The following NCAN variants were observed in gnomAD, a reference collection of about 807,000 sequenced individuals.
NCAN encodes the protein neurocan core protein.
A neutral mutation model predicts 121.8 loss-of-function variants in NCAN; 47 were observed. The ratio of observed to expected loss-of-function variants is 0.39; its 90% CI spans 0.31 to 0.49. NCAN has a LOEUF of 0.49. NCAN is among the 20% of genes least tolerant of loss of function. The pLI is 0.92. For missense variants in NCAN, 1,517 were observed against 1,773.4 expected (o/e 0.86, Z 2.60); for synonymous variants, 633 against 702.0 (o/e 0.90, Z 1.55).
At chr19:19,236,786 T>G (rs200496612) in intron 10 of NCAN, among the ~76,000 whole-genome samples, 1 of 151,562 alleles carries the variant, frequency 6.6e-6, no homozygotes, top group East Asian at 1.9e-4. Flanking sequence ...GAAAGTACAG[T>G]GGTACAATCA....
At chr19:19,221,993 C>A (rs539749306) in intron 3 of NCAN, among the ~76,000 whole-genome samples, 105 of 152,248 alleles carry the variant, frequency 6.9e-4, no homozygotes, top group African/African-American at 2.5e-3. Flanking sequence ...TATTGTACAG[C>A]AAACATCCCG....
At chr19:19,233,250 A>G (rs75072017) in intron 8 of NCAN, among the ~76,000 whole-genome samples, 10,914 of 151,644 alleles carry the variant, frequency 0.072, 705 homozygotes, top group African/African-American at 0.17. Flanking sequence ...TTTTTAATTT[A>G]ATTTTTCAAA....
At chr19:19,226,111 G>A (rs2146542436) in intron 6 of NCAN, among the ~76,000 whole-genome samples, 1 of 152,184 alleles carries the variant, frequency 6.6e-6, no homozygotes, top group Non-Finnish European at 1.5e-5. Flanking sequence ...TGTATTTTTA[G>A]TAGAGACGGG....
chr19:19,249,791 A>ACAC lies in NCAN; in HGVS notation c.3861_3863dup (p.His1287dup), dbSNP rs762395671. The ACAC allele has an allele frequency of 5.0e-6, 8 of 1,608,204 alleles. No individual in the cohort carries two copies. Among genetic ancestry groups the ACAC allele is most frequent in the Admixed American group, 3.4e-5 (2 of 58,722 alleles). On this transcript the variant is annotated inframe_insertion, in exon 15 of 15. Transcript: ENST00000252575. ...CCAGACGTTCACATCGGATGCGGCG[A>ACAC]CACCACCACCACCACCAACACCACC...
chr19:19,227,640 G>A lies in NCAN; in HGVS notation c.2020G>A (p.Glu674Lys). ...TATAPPSPAAETKVYSLPLSL... is the reference protein window; with the variant it reads ...TATAPPSPAAKTKVYSLPLSL... ...CACGGCTCCACCCTCCCCTGCTGCA[G>A]AGACCAAGGTGTATTCCCTGCCTCT... is the stretch of plus-strand genomic sequence containing the variant. The change falls in exon 8 of 15, where the codon GAG becomes AAG. Residue 674 changes from glutamate (E) to lysine (K), a missense_variant. By Grantham distance (56) the Glu-to-Lys change is moderately conservative (BLOSUM62 1). Coordinates refer to ENST00000252575, the MANE Select transcript of NCAN (RefSeq NM_004386.3). This position sits in a 1 kb window ranked among gnomAD's most constrained non-coding sequence, Gnocchi z 4.2. 6.2e-7 allele frequency: 1 copy of A among 1,613,982 alleles called. No individual in the cohort carries two copies. Among genetic ancestry groups the A allele is most frequent in the East Asian group, 2.2e-5 (1 of 44,882 alleles).
At chr19:19,242,528 A>G (rs1475775391) in intron 12 of NCAN, among the ~76,000 whole-genome samples, 1 of 151,944 alleles carries the variant, frequency 6.6e-6, no homozygotes, top group East Asian at 1.9e-4. Flanking sequence ...TGTCTCTACT[A>G]AAAATAAAAA....
chr19:19,249,755 C>T lies in NCAN; in HGVS notation c.3821-11C>T, dbSNP rs1447905074. ...TTTGTCCCTTCCCTGTCCTCCCTCA[C>T]TTCCCTGCAGCCAGACGTTCACATC... On this transcript the variant is annotated splice_polypyrimidine_tract_variant and intron_variant, in intron 14 of 14. Transcript: ENST00000252575. 2 of 1,592,000 alleles carry T rather than the reference C, an allele frequency of 1.3e-6. No individual in the cohort carries two copies. Among genetic ancestry groups the T allele is most frequent in the Admixed American group, 1.8e-5 (1 of 56,164 alleles).
Position 19,248,784 on chromosome 19 carries a change from G to C in NCAN, c.3722G>C (p.Arg1241Thr), listed in dbSNP as rs944830253. The change falls in exon 14 of 15, where the codon AGG (arginine) becomes ACG (threonine). Residue 1241 changes from arginine to threonine, a missense_variant. Transcript: ENST00000252575. ...KAKYNVHATV[R>T]YQCNEGFAQH... The stretch of plus-strand genomic sequence containing the variant: ...AAGTACAATGTCCATGCCACTGTAA[G>C]GTACCAGTGCAATGAAGGATTTGCC... 17 of 1,614,192 alleles carry C rather than the reference G, an allele frequency of 1.1e-5. No homozygotes were observed. The highest frequency in any genetic ancestry group is 1.4e-5 in the Non-Finnish European group (17 of 1,180,028).
At chr19:19,223,894 C>T in intron 3 of NCAN, 127 bp from the exon 4 acceptor site, 1 of 941,450 alleles carries the variant, frequency 1.1e-6, no homozygotes, top group Non-Finnish European at 1.5e-6. Flanking sequence ...CCTCGACCCA[C>T]ACTGTGCCTG....
chr19:19,230,560 G>C lies in NCAN; in HGVS notation c.3019+1921G>C, dbSNP rs937105364. Among the ~76,000 whole-genome samples the C allele has an allele frequency of 8.6e-5, 13 of 151,510 alleles. 1 individual carries two copies. The highest frequency in any genetic ancestry group is 8.4e-4 in the South Asian group (4 of 4,776). On this transcript the variant is annotated intron_variant, in intron 8 of 14. Transcript: ENST00000252575. ...GCTGGGACCAGGTGTGCACCAACAG[G>C]CCTGGCTAATTTTTGTATTTTTTAT...
intron 8 of NCAN, 31 bp from the exon 9 acceptor site, chr19:19,233,758 C>G (rs142278919): frequency 2.8e-6 from 4 of 1,419,078 alleles, no homozygotes; most frequent in Non-Finnish European, 4.0e-6. Context: ...TGTGGCCTGA[C>G]TCTTCCCCAC....
chr19:19,232,030 AG>A, intron 8 of NCAN, among the ~76,000 whole-genome samples: 1 of 152,034 alleles, frequency 6.6e-6, no homozygotes, highest in Admixed American at 6.6e-5. Flanking sequence ...GAGACGGGCT[AG>A]GTGGGGATCA....
In NCAN at chr19:19,250,520, A is replaced by G. The variant is rs555213438; in HGVS notation, c.*609A>G. 8 of 257,450 alleles carry G rather than the reference A, an allele frequency of 3.1e-5. No individual in the cohort carries two copies. In the East Asian group the frequency reaches 8.0e-4, roughly 26 times the overall value. 15.9% of individuals were successfully genotyped at this position (257,450 alleles called of 1,614,324 possible). ...ACTGCATTTTAGGGATGTTTTTAGGACAACCTCCCTCCATGCCTTCAGAGT... is the reference window on the plus strand; with the variant it reads ...ACTGCATTTTAGGGATGTTTTTAGGGCAACCTCCCTCCATGCCTTCAGAGT... On this transcript the variant is annotated 3_prime_UTR_variant, in exon 15 of 15. Coordinates refer to ENST00000252575, the MANE Select transcript of NCAN (RefSeq NM_004386.3).
chr19:19,235,579 TTTTA>T (rs2146549800), intron 10 of NCAN, among the ~76,000 whole-genome samples: 1 of 144,590 alleles, frequency 6.9e-6, no homozygotes, highest in South Asian at 2.2e-4. Context: ...CCCTATTTTA[TTTTA>T]TTTTTTTTTT....
intron 8 of NCAN, among the ~76,000 whole-genome samples, chr19:19,230,883 CTGTGTGTGTGTGTGTG>C (rs367759381): frequency 5.8e-4 from 71 of 121,838 alleles, no homozygotes; most frequent in African/African-American, 1.2e-3. Flanking sequence ...CCACACCCGG[CTGTGTGTGTGTGTGTG>C]TGTGTGTGTG....
rs528153264 is a variant in NCAN at position 19,216,880 on chromosome 19, G to A, written c.-7-67G>A. On this transcript the variant is annotated intron_variant, in intron 1 of 14. Transcript: ENST00000252575. ...CTGTAGAGTGGGGGAGTTTGGTCCTGCAATGCTGAATATCTGGGAGGGTTG... is the reference window on the plus strand; with the variant it reads ...CTGTAGAGTGGGGGAGTTTGGTCCTACAATGCTGAATATCTGGGAGGGTTG... The A allele has an allele frequency of 4.7e-4, 448 of 948,884 alleles. 6 individuals are homozygous for A. The South Asian group carries it at 0.016, about 35-fold the overall frequency. The allele number at this position is 948,884 out of a possible 1,614,324, so 58.8% of individuals were successfully genotyped here.
chr19:19,218,152 C>T (rs1292633425), intron 2 of NCAN, among the ~76,000 whole-genome samples: 3 of 151,858 alleles, frequency 2.0e-5, no homozygotes, highest in Admixed American at 6.6e-5. Context: ...GTGGCACACA[C>T]CTGTAATCCC....
intron 12 of NCAN, among the ~76,000 whole-genome samples, chr19:19,242,191 T>A (rs10413995): frequency 0.032 from 4,850 of 151,774 alleles, 266 homozygotes; most frequent in African/African-American, 0.11. Context: ...CAGGACTCCA[T>A]CTCCAAAACA....
In NCAN at chr19:19,238,178, G is replaced by A. The variant is rs185116774; in HGVS notation, c.3251-75G>A. ...CCTTGGATTGGGCCCTCTCTCTGGTGGGCTGGCTGTGCTCATGGCTGGTAG... is the reference window on the plus strand; with the variant it reads ...CCTTGGATTGGGCCCTCTCTCTGGTAGGCTGGCTGTGCTCATGGCTGGTAG... On this transcript the variant is annotated intron_variant, in intron 10 of 14. Coordinates refer to ENST00000252575, the MANE Select transcript of NCAN (RefSeq NM_004386.3). 3.8e-4 allele frequency: 599 copies of A among 1,591,902 alleles called. No homozygotes were observed. The African/African-American group carries it at 5.6e-3, about 15-fold the overall frequency.
Sources: gnomAD v4.1 joint callset for allele counts (sites outside exome capture counted in the v4.1 genomes callset) on GRCh38, gnomAD v4.1.1 for gene constraint, Gnocchi (gnomAD v3.1) non-coding constraint, MANE v1.5 for transcripts, NCBI Gene and HGNC (gene_info 2026-07-23, HGNC 2026-07-21) for gene names.